The following FGD2 variants were observed in gnomAD, a reference collection of about 807,000 sequenced individuals.
The protein encoded by FGD2 is FYVE, RhoGEF and PH domain-containing protein 2.
Under a neutral mutation model 75.9 loss-of-function variants are expected in FGD2, and 52 were observed. The ratio of observed to expected loss-of-function variants is 0.69; its 90% CI spans 0.55 to 0.86. The LOEUF (loss-of-function observed/expected upper bound fraction) is 0.86, where lower values mean the gene tolerates loss of function less well. Ranked by LOEUF, FGD2 falls within the 40% of genes least tolerant of loss-of-function variation. The probability of loss-of-function intolerance (pLI) is 0.00; values close to 1 mark genes in which losing one functional copy is unlikely to be tolerated. For synonymous variants in FGD2, 347 were observed against 348.6 expected (o/e 1.00, Z 0.05); for missense variants, 790 against 872.0 (o/e 0.91, Z 1.18).
At chr6:37,027,699 G>A in intron 15 of FGD2, 124 bp downstream of exon 15, 3 of 1,296,442 alleles carry the variant, frequency 2.3e-6, no homozygotes, top group Non-Finnish European at 3.2e-6. Context: ...GCCCAATGAG[G>A]ATATGGTATC....
chr6:37,013,899 G>A, intron 5 of FGD2, 63 bp from the exon 6 acceptor site: 6 of 1,591,336 alleles, frequency 3.8e-6, no homozygotes, highest in South Asian at 1.1e-5. Context: ...CGGCCCTCAG[G>A]AGCAGCCTGA....
intron 12 of FGD2, chr6:37,021,890 ATC>A (rs1765607261): frequency 2.1e-6 from 1 of 476,412 alleles, no homozygotes; most frequent in South Asian, 3.3e-5. Flanking sequence ...GTTTGAAAGT[ATC>A]TGAGAAATAC....
intron 11 of FGD2, among the ~76,000 whole-genome samples, chr6:37,021,005 TGC>T (rs921393705): frequency 4.0e-5 from 6 of 148,656 alleles, no homozygotes; most frequent in Non-Finnish European, 5.9e-5. Flanking sequence ...TGCATGTGTG[TGC>T]GTGTGTACAT....
At position 37,022,424 on chromosome 6, in the gene FGD2, C is replaced by T; in HGVS notation, c.1458+54C>T. The T allele has an allele frequency of 2.0e-6, 3 of 1,516,878 alleles. No individual in the cohort carries two copies. In the Middle Eastern group the frequency reaches 5.2e-4, roughly 264 times the overall value. The allele number at this position is 1,516,878 out of a possible 1,614,324, so 94.0% of individuals were successfully genotyped here. ...CCACCTGCGTCACCCAGGCCTCCACCTGCATCACCCAGGCCTCCACCTTTC... is the reference window on the plus strand; with the variant it reads ...CCACCTGCGTCACCCAGGCCTCCACTTGCATCACCCAGGCCTCCACCTTTC... On this transcript the variant is annotated intron_variant, in intron 13 of 15. Coordinates refer to ENST00000274963, the MANE Select transcript of FGD2 (RefSeq NM_173558.4).
intron 12 of FGD2, 30 bp downstream of exon 12, chr6:37,021,634 G>C: frequency 1.9e-6 from 3 of 1,589,578 alleles, no homozygotes; most frequent in Non-Finnish European, 2.6e-6. Context: ...TCCCTTGCTG[G>C]AGCCACCAAC....
chr6:37,014,093 T>C lies in FGD2; in HGVS notation c.816T>C (p.Asp272=). The C allele has an allele frequency of 6.2e-7, 1 of 1,613,840 alleles. No homozygotes were observed. The highest frequency in any genetic ancestry group is 8.5e-7 in the Non-Finnish European group (1 of 1,179,844). Residue 272 remains aspartate, a synonymous_variant, in exon 6 of 16, where the codon GAT becomes GAC. Coordinates refer to ENST00000274963, the MANE Select transcript of FGD2 (RefSeq NM_173558.4). ...CAGCCCAGGCCCCAGACCAGGCCGA[T>C]GCCCAGAGTGAGGACACCCCCAGGG... ...KLPAQAPDQA[D]AQKALDMIFS...
Position 37,011,700 on chromosome 6 carries a change from C to T in FGD2, c.379-6C>T. The stretch of plus-strand genomic sequence containing the variant: ...TGCAGTGAGTGACCTGTCGTGGCGG[C>T]TACAGGTGTTTTTCCAGGAGCTGCT... On this transcript the variant is annotated splice_polypyrimidine_tract_variant and splice_region_variant and intron_variant, in intron 3 of 15. Transcript: ENST00000274963. 2 of 1,613,594 alleles carry T rather than the reference C, an allele frequency of 1.2e-6. No homozygotes were observed. Among genetic ancestry groups the T allele is most frequent in the Non-Finnish European group, 1.7e-6 (2 of 1,179,812 alleles).
intron 2 of FGD2, chr6:37,009,484 A>G (rs1467899421): frequency 6.1e-6 from 1 of 162,858 alleles, no homozygotes; most frequent in African/African-American, 2.4e-5. Flanking sequence ...ACTAAAGCCC[A>G]GTCTGATCTC....
chr6:37,028,301 C>T lies in FGD2; in HGVS notation c.*138C>T. 1.3e-6 allele frequency: 1 copy of T among 794,438 alleles called. No homozygotes were observed. Among genetic ancestry groups the T allele is most frequent in the Non-Finnish European group, 1.9e-6 (1 of 521,086 alleles). The allele number at this position is 794,438 out of a possible 1,614,324, so 49.2% of individuals were successfully genotyped here. A position where few individuals can be genotyped will look rare whatever the true frequency, so the allele number is the denominator to read the frequency against. Reference sequence around the variant, plus strand: ...TTGATTCAGCCATCTGCGCCCAGGCCACGTGTCCCGATCTGGGATTAGAAA... The same window carrying T: ...TTGATTCAGCCATCTGCGCCCAGGCTACGTGTCCCGATCTGGGATTAGAAA... On this transcript the variant is annotated 3_prime_UTR_variant, in exon 16 of 16. Coordinates refer to ENST00000274963, the MANE Select transcript of FGD2 (RefSeq NM_173558.4).
intron 7 of FGD2, 63 bp from the exon 8 acceptor site, chr6:37,014,829 A>C: frequency 6.2e-7 from 1 of 1,609,652 alleles, no homozygotes. Flanking sequence ...CCCACAAGGC[A>C]AGCCTTCCAG....
Position 37,013,634 on chromosome 6 carries a change from G to A in FGD2, c.553G>A (p.Val185Met), listed in dbSNP as rs745495278. 3.2e-5 allele frequency: 51 copies of A among 1,613,916 alleles called. No individual in the cohort carries two copies. Among genetic ancestry groups the A allele is most frequent in the South Asian group, 1.8e-4 (16 of 91,092 alleles). ...DWTANPRIGD[V>M]IQKLAPFLKM... ...GACAGCTAACCCCCGCATCGGTGAC[G>A]TGATCCAGAAGCTGGCCCCCTTCCT... The change falls in exon 5 of 16, where the codon GTG (valine) becomes ATG (methionine). Residue 185 changes from valine (V) to methionine (M), a missense_variant. By Grantham distance (21) the Val-to-Met change is conservative (BLOSUM62 1). Transcript: ENST00000274963.
At chr6:37,020,428 TCTC>T in intron 9 of FGD2, 110 bp from the exon 10 acceptor site, 1 of 1,006,322 alleles carries the variant, frequency 9.9e-7, no homozygotes, top group Non-Finnish European at 1.5e-6. Context: ...CATCCCTGTC[TCTC>T]GAATTTGAAT....
chr6:37,011,621 G>A lies in FGD2; in HGVS notation c.379-85G>A, dbSNP rs544790735. The stretch of plus-strand genomic sequence containing the variant: ...ATCAGGGAGGTGGAAGCATGCAGTA[G>A]GCTTGGTGGGACCCTAGTTCCCCCG... On this transcript the variant is annotated intron_variant, in intron 3 of 15. Coordinates refer to ENST00000274963, the MANE Select transcript of FGD2 (RefSeq NM_173558.4). The A allele has an allele frequency of 8.2e-6, 13 of 1,576,986 alleles. No homozygotes were observed. In the South Asian group the frequency reaches 1.4e-4, roughly 16 times the overall value.
chr6:37,008,241 T>G (rs561241654), intron 1 of FGD2, among the ~76,000 whole-genome samples: 1 of 152,166 alleles, frequency 6.6e-6, no homozygotes, highest in Non-Finnish European at 1.5e-5. Context: ...GGGTGGGCCC[T>G]GTTGTCTAAG....
chr6:37,014,609 A>T, intron 6 of FGD2, 37 bp from the exon 7 acceptor site: 1 of 1,611,062 alleles, frequency 6.2e-7, no homozygotes, highest in Non-Finnish European at 8.5e-7. Flanking sequence ...CCAGCCCTAG[A>T]TTCTCAGGGA....
chr6:37,017,016 C>A (rs796518527), intron 9 of FGD2, among the ~76,000 whole-genome samples: 1 of 152,102 alleles, frequency 6.6e-6, no homozygotes, highest in Non-Finnish European at 1.5e-5. Context: ...AGGTGGTCTT[C>A]GCCTAGCAAA....
intron 13 of FGD2, chr6:37,024,934 G>T (rs932317120): frequency 6.6e-6 from 1 of 152,452 alleles, no homozygotes; most frequent in South Asian, 2.1e-4. Context: ...GCACACAGAG[G>T]AGCTCCCTGA....
At chr6:37,009,960 G>C (rs1438613350) in intron 2 of FGD2, 1 of 149,404 alleles carries the variant, frequency 6.7e-6, no homozygotes, top group Non-Finnish European at 1.5e-5. Context: ...GTTGCAGTGA[G>C]CCGAGATTGC....
intron 11 of FGD2, 100 bp from the exon 12 acceptor site, chr6:37,021,412 G>A: frequency 1.9e-6 from 2 of 1,055,580 alleles, no homozygotes; most frequent in Non-Finnish European, 2.8e-6. Context: ...TACCCAGTGG[G>A]CTTTCAGCCC....
Sources: gnomAD v4.1 joint callset for allele counts (sites outside exome capture counted in the v4.1 genomes callset) on GRCh38, gnomAD v4.1.1 for gene constraint, MANE v1.5 for transcripts, NCBI Gene and HGNC (gene_info 2026-07-23, HGNC 2026-07-21) for gene names.